BMERB1: variants seen among roughly 807,000 people sequenced by gnomAD.
BMERB1 encodes the protein bMERB domain-containing protein 1.
BMERB1 carries 12 observed loss-of-function variants against 23.6 expected under a neutral mutation model. The observed-to-expected ratio is 0.51, with a 90% CI of 0.33 to 0.82. BMERB1 has a LOEUF of 0.82. Among genes scored for constraint, BMERB1 ranks in the 40% least tolerant of loss-of-function variants. BMERB1 has a pLI of 0.03. For missense variants in BMERB1, 247 were observed against 255.4 expected (o/e 0.97, Z 0.22); for synonymous variants, 122 against 96.6 (o/e 1.26, Z -1.54).
intron 1 of BMERB1, among the ~76,000 whole-genome samples, chr16:15,471,258 T>A (rs902625465): frequency 6.6e-6 from 1 of 152,144 alleles, no homozygotes; most frequent in Non-Finnish European, 1.5e-5. Context: ...CCTATGGATG[T>A]CCAATTTGTC....
chr16:15,578,333 G>A (rs145526950), intron 3 of BMERB1, among the ~76,000 whole-genome samples: 1 of 151,682 alleles, frequency 6.6e-6, no homozygotes, highest in African/African-American at 2.4e-5. Context: ...CAAGTAGCTG[G>A]GATTACAGGT....
intron 4 of BMERB1, 117 bp from the exon 5 acceptor site, chr16:15,583,039 C>A: frequency 1.3e-6 from 1 of 782,810 alleles, no homozygotes; most frequent in Non-Finnish European, 2.3e-6. Context: ...CACGTGACAA[C>A]ATACATGCCC....
intron 1 of BMERB1, among the ~76,000 whole-genome samples, chr16:15,470,568 A>T (rs543847575): frequency 6.6e-6 from 1 of 150,760 alleles, no homozygotes; most frequent in African/African-American, 2.4e-5. Flanking sequence ...TCTCTGTCGC[A>T]AGGCTGGAGT....
chr16:15,583,316 G>C, intron 5 of BMERB1, 78 bp downstream of exon 5: 1 of 1,190,812 alleles, frequency 8.4e-7, no homozygotes, highest in Non-Finnish European at 1.2e-6. Context: ...AGTGGATCAC[G>C]CCTGTAATCC....
chr16:15,571,530 A>G (rs2030726768), intron 3 of BMERB1, among the ~76,000 whole-genome samples: 1 of 151,690 alleles, frequency 6.6e-6, no homozygotes, highest in African/African-American at 2.4e-5. Context: ...AATTTTTTGT[A>G]TTTTTAGTAG....
At chr16:15,533,400 T>A (rs1355229553) in intron 2 of BMERB1, among the ~76,000 whole-genome samples, 1 of 151,880 alleles carries the variant, frequency 6.6e-6, no homozygotes, top group Admixed American at 6.6e-5. Flanking sequence ...TCTTTCTTTT[T>A]TTTTTTTTTT....
At chr16:15,439,810 G>A (rs1486573166) in intron 1 of BMERB1, among the ~76,000 whole-genome samples, 1 of 152,156 alleles carries the variant, frequency 6.6e-6, no homozygotes, top group African/African-American at 2.4e-5. Flanking sequence ...TTTTGAAAAA[G>A]CGCAGAGCTT....
chr16:15,584,185 G>GAAACTGTCT, intron 5 of BMERB1: 1 of 598,366 alleles, frequency 1.7e-6, no homozygotes, highest in African/African-American at 1.9e-5. Context: ...CTGCTGTCAA[G>GAAACTGTCT]AAACTGTCTT....
At chr16:15,455,753 C>T (rs1245339797) in intron 1 of BMERB1, among the ~76,000 whole-genome samples, 2 of 152,108 alleles carry the variant, frequency 1.3e-5, no homozygotes, top group Non-Finnish European at 2.9e-5. Context: ...TGAGCCACCG[C>T]GCCTGGCCAT....
chr16:15,566,710 T>G (rs1191431686), intron 2 of BMERB1, among the ~76,000 whole-genome samples: 2 of 152,032 alleles, frequency 1.3e-5, no homozygotes, highest in Non-Finnish European at 2.9e-5. Flanking sequence ...AATAGATGAC[T>G]GTATATCAAT....
intron 1 of BMERB1, among the ~76,000 whole-genome samples, chr16:15,494,856 G>A (rs1003892896): frequency 6.8e-6 from 1 of 148,082 alleles, no homozygotes; most frequent in Non-Finnish European, 1.5e-5. Flanking sequence ...AAGAAATGTT[G>A]GTAAATTTCC....
intron 2 of BMERB1, among the ~76,000 whole-genome samples, chr16:15,550,315 C>CCATCCCTA (rs1362696084): frequency 6.6e-6 from 1 of 151,568 alleles, no homozygotes; most frequent in Non-Finnish European, 1.5e-5. Flanking sequence ...CCATTCCCTG[C>CCATCCCTA]CATCCCTAAG....
At chr16:15,559,436 G>A (rs2030357567) in intron 2 of BMERB1, among the ~76,000 whole-genome samples, 1 of 152,202 alleles carries the variant, frequency 6.6e-6, no homozygotes, top group Non-Finnish European at 1.5e-5. Context: ...ATTGTCAAGA[G>A]CAGGAGCTAG....
intron 1 of BMERB1, among the ~76,000 whole-genome samples, chr16:15,479,043 C>T (rs531015568): frequency 2.0e-5 from 3 of 152,286 alleles, no homozygotes; most frequent in African/African-American, 4.8e-5. Flanking sequence ...CTGAGAAACT[C>T]TGATTTTTCA....
intron 2 of BMERB1, 113 bp downstream of exon 2, chr16:15,515,541 C>G: frequency 7.2e-7 from 1 of 1,381,388 alleles, no homozygotes; most frequent in Non-Finnish European, 9.5e-7. Flanking sequence ...GCATTATGCA[C>G]GTTTTTAAAA....
intron 2 of BMERB1, among the ~76,000 whole-genome samples, chr16:15,546,598 G>A (rs2029925136): frequency 6.6e-6 from 1 of 152,148 alleles, no homozygotes; most frequent in African/African-American, 2.4e-5. Flanking sequence ...AAGTTTCCCA[G>A]AGCTTACATA....
intron 3 of BMERB1, among the ~76,000 whole-genome samples, chr16:15,576,127 C>T (rs532747302): frequency 2.0e-5 from 3 of 151,688 alleles, no homozygotes; most frequent in Non-Finnish European, 4.4e-5. Flanking sequence ...CAGTCTCCGC[C>T]TCCGGGGTTC....
chr16:15,500,062 G>A (rs1456277564), intron 1 of BMERB1, among the ~76,000 whole-genome samples: 5 of 152,178 alleles, frequency 3.3e-5, no homozygotes, highest in Admixed American at 3.3e-4. Context: ...TTGGCTCTTT[G>A]CAACTTATCA....
At chr16:15,526,972 A>T (rs1456320919) in intron 2 of BMERB1, among the ~76,000 whole-genome samples, 1 of 135,978 alleles carries the variant, frequency 7.4e-6, no homozygotes, top group Non-Finnish European at 1.7e-5. Context: ...ATTATATTTT[A>T]TTATTATTAT....
Sources: allele counts gnomAD v4.1 joint callset (sites outside exome capture counted in the v4.1 genomes callset), GRCh38; gene constraint gnomAD v4.1.1; transcripts MANE v1.5; gene names NCBI Gene and HGNC (gene_info 2026-07-23, HGNC 2026-07-21).